Variants in CDH12 observed in about 807,000 individuals in gnomAD.
CDH12 encodes cadherin 12.
Under a neutral mutation model 74.1 loss-of-function variants are expected in CDH12, and 41 were observed. The observed-to-expected ratio is 0.55, with a 90% confidence interval of 0.43 to 0.72. The LOEUF is 0.72. Ranked by LOEUF, CDH12 falls within the 30% of genes least tolerant of loss-of-function variation. CDH12 has a pLI of 0.00. For missense variants in CDH12, 945 were observed against 977.2 expected, an observed-to-expected ratio of 0.97 and a Z score of 0.44; for synonymous variants, 399 against 355.0, an observed-to-expected ratio of 1.12 and a Z score of -1.39.
intron 4 of CDH12, among the ~76,000 whole-genome samples, chr5:22,198,685 C>G (rs1750758333): frequency 6.6e-6 from 1 of 152,048 alleles, no homozygotes; most frequent in Non-Finnish European, 1.5e-5. Context: ...GCACAAAACT[C>G]AAGGCAGGTA....
intron 3 of CDH12, among the ~76,000 whole-genome samples, chr5:22,381,129 C>A (rs2126382399): frequency 6.6e-6 from 1 of 152,046 alleles, no homozygotes; most frequent in South Asian, 2.1e-4. Context: ...ATCACAATTG[C>A]AATCTATTCT....
chr5:22,020,361 C>T (rs1324986765), intron 5 of CDH12, among the ~76,000 whole-genome samples: 1 of 151,960 alleles, frequency 6.6e-6, no homozygotes, highest in East Asian at 1.9e-4. Flanking sequence ...CAAGACCAGC[C>T]TGGCTAACAT....
intron 10 of CDH12, among the ~76,000 whole-genome samples, chr5:21,785,734 G>C (rs114621402): frequency 3.1e-4 from 47 of 152,292 alleles, no homozygotes; most frequent in Admixed American, 4.6e-4. Context: ...AGCAGAGTTG[G>C]TTCATGAGGT....
intron 8 of CDH12, among the ~76,000 whole-genome samples, chr5:21,819,244 G>C (rs760217040): frequency 2.0e-5 from 3 of 151,872 alleles, no homozygotes; most frequent in Non-Finnish European, 4.4e-5. Flanking sequence ...ATTAAACCAT[G>C]ATCCTAGTGA....
At chr5:22,575,252 ATAAAT>A (rs1739726313) in intron 1 of CDH12, among the ~76,000 whole-genome samples, 1 of 152,150 alleles carries the variant, frequency 6.6e-6, no homozygotes, top group African/African-American at 2.4e-5. Flanking sequence ...ATTTGGTAAA[ATAAAT>A]ATATCCTCCT....
intron 3 of CDH12, among the ~76,000 whole-genome samples, chr5:22,334,384 T>A (rs1023470752): frequency 2.0e-5 from 3 of 152,052 alleles, no homozygotes; most frequent in Non-Finnish European, 4.4e-5. Flanking sequence ...TGAAATTCCA[T>A]GTTCATGGAT....
chr5:21,891,091 T>A (rs1470551508), intron 6 of CDH12, among the ~76,000 whole-genome samples: 1 of 152,124 alleles, frequency 6.6e-6, no homozygotes, highest in Non-Finnish European at 1.5e-5. Context: ...TCCAAAGGAA[T>A]GACCCACCAG....
At chr5:21,780,322 G>A (rs539418064) in intron 11 of CDH12, among the ~76,000 whole-genome samples, 2 of 152,246 alleles carry the variant, frequency 1.3e-5, no homozygotes, top group East Asian at 3.9e-4. Context: ...CACTATAAAG[G>A]TTCATACTTC....
In CDH12 at chr5:21,765,790, T is replaced by TA. The variant is rs1333597653; in HGVS notation, c.1394-692dup. 1.6e-4 allele frequency among the ~76,000 whole-genome samples: 24 copies of TA among 152,212 alleles called. 1 individual carries two copies. Among genetic ancestry groups the TA allele is most frequent in the African/African-American group, 5.3e-4 (22 of 41,572 alleles). ...TTCCATCACAGGTTTTGGTCCCACC[T>TA]ATGGATTATTATCTGGATCTCTGTC... On this transcript the variant is annotated intron_variant, in intron 11 of 14. Coordinates refer to ENST00000382254, the MANE Select transcript of CDH12 (RefSeq NM_004061.5).
At chr5:22,551,816 A>G (rs1738582789) in intron 1 of CDH12, among the ~76,000 whole-genome samples, 1 of 152,210 alleles carries the variant, frequency 6.6e-6, no homozygotes, top group Non-Finnish European at 1.5e-5. Flanking sequence ...AATCCATTTG[A>G]GGTCAAAGCT....
At chr5:22,793,448 A>T (rs1748022772) in intron 1 of CDH12, among the ~76,000 whole-genome samples, 1 of 152,170 alleles carries the variant, frequency 6.6e-6, no homozygotes, top group African/African-American at 2.4e-5. Context: ...AGTGCACATG[A>T]ATGAATTTAT....
intron 5 of CDH12, among the ~76,000 whole-genome samples, chr5:22,004,231 G>A (rs1431241317): frequency 6.6e-6 from 1 of 152,050 alleles, no homozygotes; most frequent in Non-Finnish European, 1.5e-5. Flanking sequence ...TTCATAAGAC[G>A]CTTGTAAACT....
At chr5:22,681,787 A>C (rs915297394) in intron 1 of CDH12, among the ~76,000 whole-genome samples, 1 of 152,092 alleles carries the variant, frequency 6.6e-6, no homozygotes, top group African/African-American at 2.4e-5. Flanking sequence ...TAGGTTTCAC[A>C]TTGGATTTAT....
At chr5:22,469,649 T>C (rs1219967663) in intron 2 of CDH12, among the ~76,000 whole-genome samples, 3 of 152,186 alleles carry the variant, frequency 2.0e-5, no homozygotes, top group Non-Finnish European at 4.4e-5. Flanking sequence ...AAGGTTTACT[T>C]CAACCTGTAA....
At chr5:21,886,452 T>C (rs1054690164) in intron 6 of CDH12, among the ~76,000 whole-genome samples, 1 of 148,710 alleles carries the variant, frequency 6.7e-6, no homozygotes, top group Non-Finnish European at 1.5e-5. Context: ...TTTTTCTTTT[T>C]ATTAATTTTC....
chr5:21,797,577 A>C (rs182616641), intron 10 of CDH12, among the ~76,000 whole-genome samples: 90 of 152,234 alleles, frequency 5.9e-4, no homozygotes, highest in Middle Eastern at 3.4e-3. Flanking sequence ...CATCTGTGTC[A>C]AGTGGGCCGA....
At chr5:21,788,985 T>TA (rs1398413449) in intron 10 of CDH12, among the ~76,000 whole-genome samples, 1 of 152,008 alleles carries the variant, frequency 6.6e-6, no homozygotes, top group Non-Finnish European at 1.5e-5. Flanking sequence ...TCTTTTACAA[T>TA]AAGTGGATAT....
At chr5:21,764,528 A>G (rs919688600) in intron 12 of CDH12, among the ~76,000 whole-genome samples, 1 of 151,918 alleles carries the variant, frequency 6.6e-6, no homozygotes, top group African/African-American at 2.4e-5. Flanking sequence ...GCATGCCTAT[A>G]ATCCCAGCTA....
intron 3 of CDH12, among the ~76,000 whole-genome samples, chr5:22,244,796 G>GAA (rs1436220615): frequency 9.2e-6 from 1 of 108,720 alleles, no homozygotes; most frequent in Admixed American, 8.9e-5. Flanking sequence ...AAGAAAGAAA[G>GAA]AAAGAAAAAT....
Sources: gnomAD v4.1 joint callset for allele counts (sites outside exome capture counted in the v4.1 genomes callset) on GRCh38, gnomAD v4.1.1 for gene constraint, MANE v1.5 for transcripts, NCBI Gene and HGNC (gene_info 2026-07-23, HGNC 2026-07-21) for gene names.